TEAD1: variants seen among roughly 807,000 people sequenced by gnomAD.
TEAD1 encodes the protein transcriptional enhancer factor TEF-1.
Under a neutral mutation model 54.9 loss-of-function variants are expected in TEAD1, and 9 were observed. The observed-to-expected ratio is 0.16, with a 90% CI of 0.10 to 0.29. TEAD1 has a LOEUF of 0.29. Ranked by LOEUF, TEAD1 falls within the 10% of genes least tolerant of loss-of-function variation. The pLI, the probability that TEAD1 is intolerant of heterozygous loss-of-function variation, is 1.00. For missense variants in TEAD1, 387 were observed against 535.9 expected (o/e 0.72, Z 2.74); for synonymous variants, 200 against 187.8 (o/e 1.07, Z -0.53).
In TEAD1 at chr11:12,892,190, A is replaced by T. The variant is rs149100558; in HGVS notation, c.699+9065A>T. 3.9e-5 allele frequency among the ~76,000 whole-genome samples: 6 copies of T among 152,352 alleles called. No individual in the cohort carries two copies. The East Asian group carries it at 1.2e-3, about 29-fold the overall frequency. On this transcript the variant is annotated intron_variant, in intron 9 of 12. Transcript: ENST00000527636. ...TTCTTTCAATGGCCTAAATTTACAG[A>T]TCAACTAAAATTCCGTTGTCAGAAC...
intron 2 of TEAD1, among the ~76,000 whole-genome samples, chr11:12,684,506 G>A (rs1943292221): frequency 6.6e-6 from 1 of 152,078 alleles, no homozygotes; most frequent in Non-Finnish European, 1.5e-5. Flanking sequence ...TCCCCCCTGG[G>A]GTGCAGAGGG....
chr11:12,862,464 C>T lies in TEAD1; in HGVS notation c.267+150C>T, dbSNP rs1032241267. The stretch of plus-strand genomic sequence containing the variant: ...GTGTTGGAGGTATTTTAAATTGGCT[C>T]AGTTTTCACTGTTCATCATTTCAGT... On this transcript the variant is annotated intron_variant, in intron 4 of 12. Transcript: ENST00000527636. 13 of 711,886 alleles carry T rather than the reference C, an allele frequency of 1.8e-5. No individual in the cohort carries two copies. The Admixed American group carries it at 2.7e-4, about 15-fold the overall frequency. 44.1% of individuals were successfully genotyped at this position (711,886 alleles called of 1,614,324 possible).
At chr11:12,739,222 G>GTCTATCTA (rs71037086) in intron 2 of TEAD1, among the ~76,000 whole-genome samples, 38 of 115,082 alleles carry the variant, frequency 3.3e-4, no homozygotes, top group African/African-American at 7.8e-4. Flanking sequence ...CTATCTATCT[G>GTCTATCTA]TCTATCTATC....
At chr11:12,719,833 T>C (rs73421977) in intron 2 of TEAD1, among the ~76,000 whole-genome samples, 2 of 151,956 alleles carry the variant, frequency 1.3e-5, no homozygotes, top group Non-Finnish European at 2.9e-5. Flanking sequence ...TGAAAAAACA[T>C]TGAGGGCATA....
At chr11:12,685,889 C>A (rs1943322287) in intron 2 of TEAD1, among the ~76,000 whole-genome samples, 2 of 152,096 alleles carry the variant, frequency 1.3e-5, no homozygotes, top group Admixed American at 6.5e-5. Flanking sequence ...GAAAATGGAC[C>A]TAGAATCAGG....
chr11:12,891,016 C>G (rs1183235083), intron 9 of TEAD1, among the ~76,000 whole-genome samples: 1 of 152,206 alleles, frequency 6.6e-6, no homozygotes, highest in Non-Finnish European at 1.5e-5. Flanking sequence ...TTGCCTGCCT[C>G]AGCCTCCCAA....
At chr11:12,808,184 TTAAA>T (rs1183897041) in intron 3 of TEAD1, among the ~76,000 whole-genome samples, 1 of 152,210 alleles carries the variant, frequency 6.6e-6, no homozygotes, top group African/African-American at 2.4e-5. Context: ...TGATTTATGC[TTAAA>T]TAGTCTTCCT....
intron 9 of TEAD1, among the ~76,000 whole-genome samples, chr11:12,885,322 G>T (rs1274767972): frequency 6.8e-6 from 1 of 147,734 alleles, no homozygotes; most frequent in Non-Finnish European, 1.5e-5. Context: ...TGCAAGCTCT[G>T]CCTCCCGGGT....
chr11:12,893,965 C>T (rs1243147351), intron 9 of TEAD1, among the ~76,000 whole-genome samples: 1 of 152,096 alleles, frequency 6.6e-6, no homozygotes, highest in East Asian at 1.9e-4. Flanking sequence ...CGCAGCCATT[C>T]CCTGTCCCCC....
intron 2 of TEAD1, among the ~76,000 whole-genome samples, chr11:12,733,457 T>C (rs1944463910): frequency 6.6e-6 from 1 of 152,216 alleles, no homozygotes; most frequent in Non-Finnish European, 1.5e-5. Context: ...GAGGTTTCTT[T>C]GTGGCCCAGG....
intron 3 of TEAD1, among the ~76,000 whole-genome samples, chr11:12,786,478 G>A (rs1431746373): frequency 6.6e-6 from 1 of 152,140 alleles, no homozygotes. Flanking sequence ...ATAGAAGTAC[G>A]GGAGGCCCAG....
intron 2 of TEAD1, among the ~76,000 whole-genome samples, chr11:12,740,971 T>G (rs1481487719): frequency 6.6e-6 from 1 of 152,102 alleles, no homozygotes; most frequent in Non-Finnish European, 1.5e-5. Context: ...ATTTTCTTTT[T>G]AAAAATATTG....
At chr11:12,757,157 T>C (rs1390140567) in intron 2 of TEAD1, among the ~76,000 whole-genome samples, 1 of 152,174 alleles carries the variant, frequency 6.6e-6, no homozygotes, top group Non-Finnish European at 1.5e-5. Flanking sequence ...TTAGAAATCT[T>C]TTCTCTTAGT....
At chr11:12,876,348 G>A (rs1000273919) in intron 5 of TEAD1, among the ~76,000 whole-genome samples, 1 of 152,092 alleles carries the variant, frequency 6.6e-6, no homozygotes, top group Non-Finnish European at 1.5e-5. Context: ...TCAATAAAGC[G>A]GGATGTGGAG....
intron 3 of TEAD1, among the ~76,000 whole-genome samples, chr11:12,766,526 A>T (rs2133928717): frequency 6.6e-6 from 1 of 152,288 alleles, no homozygotes; most frequent in South Asian, 2.1e-4. Flanking sequence ...GTAGTTGATG[A>T]TGTCCATGGG....
chr11:12,860,462 A>G (rs930133461), intron 3 of TEAD1, among the ~76,000 whole-genome samples: 8 of 152,224 alleles, frequency 5.3e-5, no homozygotes, highest in Admixed American at 1.3e-4. Flanking sequence ...GGACAGAGCC[A>G]TGACTCTAGG....
At chr11:12,675,965 T>G (rs1195052620) in intron 2 of TEAD1, among the ~76,000 whole-genome samples, 1 of 152,212 alleles carries the variant, frequency 6.6e-6, no homozygotes, top group African/African-American at 2.4e-5. Context: ...GCTTGTTAAC[T>G]TCTTAGAAGC....
rs12272932 is a variant in TEAD1 at position 12,771,237 on chromosome 11, A to C, written c.202+6803A>C. 1.5e-3 allele frequency among the ~76,000 whole-genome samples: 234 copies of C among 152,312 alleles called. 1 individual carries two copies. Among genetic ancestry groups the C allele is most frequent in the African/African-American group, 5.2e-3 (215 of 41,584 alleles). ...CCAGCATTGTGTCGTTGCGGGTCCG[A>C]GTGCCATGCCAAGGTGCCTGGCACT... On this transcript the variant is annotated intron_variant, in intron 3 of 12. Coordinates refer to ENST00000527636, the MANE Select transcript of TEAD1 (RefSeq NM_021961.6).
intron 2 of TEAD1, among the ~76,000 whole-genome samples, chr11:12,739,639 C>T (rs1944612385): frequency 6.6e-6 from 1 of 152,180 alleles, no homozygotes; most frequent in African/African-American, 2.4e-5. Context: ...GGATAATATT[C>T]AAGGTCCCAT....
Sources: gnomAD v4.1 joint callset for allele counts (sites outside exome capture counted in the v4.1 genomes callset) on GRCh38, gnomAD v4.1.1 for gene constraint, MANE v1.5 for transcripts, NCBI Gene and HGNC (gene_info 2026-07-23, HGNC 2026-07-21) for gene names.